The following FIGN variants were observed in gnomAD, a reference collection of about 807,000 sequenced individuals.
FIGN encodes fidgetin.
Under a neutral mutation model 51.3 loss-of-function variants are expected in FIGN, and 11 were observed. The observed-to-expected ratio is 0.21, with a 90% CI of 0.13 to 0.35. The LOEUF is 0.35. Among genes scored for constraint, FIGN ranks in the 10% least tolerant of loss-of-function variants. The pLI is 1.00. For synonymous variants in FIGN, 407 were observed against 363.2 expected, an observed-to-expected ratio of 1.12 and a Z score of -1.37; for missense variants, 857 against 943.6, an observed-to-expected ratio of 0.91 and a Z score of 1.20.
chr2:163,651,064 A>G (rs75007749), intron 2 of FIGN, among the ~76,000 whole-genome samples: 9,696 of 152,270 alleles, frequency 0.064, 403 homozygotes, highest in African/African-American at 0.1. Flanking sequence ...AGATACTGCA[A>G]TTAAGTAACG....
rs57025851 is a variant in FIGN at position 163,624,710 on chromosome 2, T to TATATATATA, written c.26-12905_26-12904insTATATATAT. On this transcript the variant is annotated intron_variant, in intron 2 of 2. Transcript: ENST00000333129. ...TACATACATATATATATATATATAT[T>TATATATATA]TTTTTTTTTCCTAGACAAGCTGTCG... 1.1e-4 allele frequency among the ~76,000 whole-genome samples: 13 copies of TATATATATA among 117,758 alleles called. No homozygotes were observed. The South Asian group carries it at 2.0e-3, about 18-fold the overall frequency. 77.3% of individuals were successfully genotyped at this position (117,758 alleles called of 152,430 possible).
At chr2:163,631,171 T>A (rs1000117704) in intron 2 of FIGN, among the ~76,000 whole-genome samples, 4 of 152,208 alleles carry the variant, frequency 2.6e-5, no homozygotes, top group African/African-American at 9.7e-5. Flanking sequence ...CCTGCTGGTT[T>A]CACTGGTGTA....
intron 2 of FIGN, among the ~76,000 whole-genome samples, chr2:163,704,714 T>C (rs1256762949): frequency 6.8e-6 from 1 of 148,112 alleles, no homozygotes; most frequent in Non-Finnish European, 1.5e-5. Flanking sequence ...GCTCAACAAA[T>C]AGCGGTTACT....
intron 2 of FIGN, among the ~76,000 whole-genome samples, chr2:163,666,607 G>C (rs1008250585): frequency 2.0e-5 from 3 of 152,176 alleles, no homozygotes; most frequent in Admixed American, 6.5e-5. Flanking sequence ...TAGAGAATTA[G>C]TTTAAATGAT....
At chr2:163,663,665 C>T (rs913835170) in intron 2 of FIGN, among the ~76,000 whole-genome samples, 1 of 151,680 alleles carries the variant, frequency 6.6e-6, no homozygotes, top group Non-Finnish European at 1.5e-5. Flanking sequence ...GGCAGATCAC[C>T]TGAGGTCAGG....
rs1414604271 is a variant in FIGN, at chr2:163,604,707, AAAAG to A, written c.*4841_*4844del. On this transcript the variant is annotated 3_prime_UTR_variant, in exon 3 of 3. Coordinates refer to ENST00000333129, the MANE Select transcript of FIGN (RefSeq NM_018086.4). ...ATATACATCAGATGAAAAAAGAAAA[AAAAG>A]AAATGAATATTCTCTAGCAAGTGTA... 6.6e-6 allele frequency: 1 copy of A among 151,960 alleles called. No homozygotes were observed. The highest frequency in any genetic ancestry group is 1.5e-5 in the Non-Finnish European group (1 of 67,946). The allele number at this position is 151,960 out of a possible 1,614,324, so 9.4% of individuals were successfully genotyped here.
At position 163,660,727 on chromosome 2, in the gene FIGN, A is replaced by G. The variant is rs1204534805; in HGVS notation, c.26-48921T>C. On this transcript the variant is annotated intron_variant, in intron 2 of 2. Transcript: ENST00000333129. ...TGTATACACATATACATATATATGT[A>G]TACACATATACATATATATGTATAC... Among the ~76,000 whole-genome samples, 2 of 105,074 alleles carry G rather than the reference A, an allele frequency of 1.9e-5. 1 individual carries two copies. Among genetic ancestry groups the G allele is most frequent in the South Asian group, 5.6e-4 (2 of 3,564 alleles). The allele number at this position is 105,074 out of a possible 152,430, so 68.9% of individuals were successfully genotyped here.
chr2:163,640,631 A>G (rs2105316193), intron 2 of FIGN, among the ~76,000 whole-genome samples: 1 of 152,330 alleles, frequency 6.6e-6, no homozygotes, highest in Non-Finnish European at 1.5e-5. Flanking sequence ...CTTTGGTCTT[A>G]GAGTTCGTTA....
In FIGN at chr2:163,606,072, G is replaced by A. The variant is rs1263932139; in HGVS notation, c.*3480C>T. ...GAATGGTTTATTTTCTCCTTGATAG[G>A]TTTCAAATGCACAAGAAAACATTAT... is the stretch of plus-strand genomic sequence containing the variant. On this transcript the variant is annotated 3_prime_UTR_variant, in exon 3 of 3. Transcript: ENST00000333129. 1.3e-5 allele frequency: 2 copies of A among 151,908 alleles called. No individual in the cohort carries two copies. The highest frequency in any genetic ancestry group is 4.8e-5 in the African/African-American group (2 of 41,380). The allele number at this position is 151,908 out of a possible 1,614,324, so 9.4% of individuals were successfully genotyped here. A position where few individuals can be genotyped will look rare whatever the true frequency, so the allele number is the denominator to read the frequency against.
chr2:163,700,157 A>G (rs975486867), intron 2 of FIGN, among the ~76,000 whole-genome samples: 7 of 152,140 alleles, frequency 4.6e-5, no homozygotes, highest in African/African-American at 1.4e-4. Context: ...GCACCTAGTA[A>G]ACTATTGACA....
intron 2 of FIGN, among the ~76,000 whole-genome samples, chr2:163,685,477 T>C (rs1031019909): frequency 3.3e-5 from 5 of 152,124 alleles, no homozygotes; most frequent in African/African-American, 4.8e-5. Context: ...CCTTAGGGCA[T>C]AGGCAGTCCA....
At chr2:163,611,950 A>C in intron 2 of FIGN, 144 bp from the exon 3 acceptor site, 2 of 643,596 alleles carry the variant, frequency 3.1e-6, no homozygotes, top group Non-Finnish European at 5.2e-6. Context: ...TATAATACCT[A>C]TTATGATCCC....
intron 2 of FIGN, chr2:163,617,079 G>A (rs1349957240): frequency 1.0e-6 from 1 of 984,012 alleles, no homozygotes; most frequent in Non-Finnish European, 1.2e-6. Context: ...AAGCCAAGAG[G>A]CCAACACAGC....
chr2:163,696,809 A>G (rs977815835), intron 2 of FIGN, among the ~76,000 whole-genome samples: 2 of 148,908 alleles, frequency 1.3e-5, no homozygotes, highest in African/African-American at 5.0e-5. Context: ...CTAGGACTAC[A>G]TTTGCACACC....
intron 2 of FIGN, among the ~76,000 whole-genome samples, chr2:163,675,199 C>T (rs1683937164): frequency 6.6e-6 from 1 of 152,104 alleles, no homozygotes. Flanking sequence ...CTCTAATTTC[C>T]CCCTTTTCTT....
At chr2:163,656,519 G>A (rs1381866738) in intron 2 of FIGN, among the ~76,000 whole-genome samples, 1 of 152,054 alleles carries the variant, frequency 6.6e-6, no homozygotes. Flanking sequence ...TCCTGGAGGG[G>A]CTCATCAAAC....
chr2:163,682,801 A>G (rs1377204312), intron 2 of FIGN, among the ~76,000 whole-genome samples: 2 of 152,212 alleles, frequency 1.3e-5, no homozygotes, highest in Non-Finnish European at 2.9e-5. Context: ...AAGTGCTAGC[A>G]TGACATTTCT....
At chr2:163,703,876 ATATAT>A (rs1236005485) in intron 2 of FIGN, among the ~76,000 whole-genome samples, 1 of 152,106 alleles carries the variant, frequency 6.6e-6, no homozygotes, top group South Asian at 2.1e-4. Context: ...ACCTAATCAG[ATATAT>A]TATCAGCACT....
At position 163,603,267 on chromosome 2, in the gene FIGN, A is replaced by C. The variant is rs745618356; in HGVS notation, c.*6285T>G. Reference sequence around the variant, plus strand: ...TGATTTGAAATTTGCAGAACAAATAAGGAAACAGTACTAGAATAACCCAAA... The same window carrying C: ...TGATTTGAAATTTGCAGAACAAATACGGAAACAGTACTAGAATAACCCAAA... On this transcript the variant is annotated 3_prime_UTR_variant, in exon 3 of 3. Transcript: ENST00000333129. 5.9e-5 allele frequency: 9 copies of C among 152,090 alleles called. No homozygotes were observed. The highest frequency in any genetic ancestry group is 1.3e-4 in the Non-Finnish European group (9 of 67,980). The allele number at this position is 152,090 out of a possible 1,614,324, so 9.4% of individuals were successfully genotyped here. A position where few individuals can be genotyped will look rare whatever the true frequency, so the allele number is the denominator to read the frequency against.
Sources: allele counts gnomAD v4.1 joint callset (sites outside exome capture counted in the v4.1 genomes callset), GRCh38; gene constraint gnomAD v4.1.1; transcripts MANE v1.5; gene names NCBI Gene and HGNC (gene_info 2026-07-23, HGNC 2026-07-21).